GLI3: variants seen among roughly 807,000 people sequenced by gnomAD.
GLI3 encodes GLI family zinc finger 3.
In GLI3, 20 loss-of-function variants were observed where a neutral mutation model predicts 100.8. That is an observed-to-expected ratio of 0.20 (90% CI 0.14 to 0.29). The LOEUF is 0.29. Among genes scored for constraint, GLI3 ranks in the 10% least tolerant of loss-of-function variants. The pLI, the probability that GLI3 is intolerant of heterozygous loss-of-function variation, is 1.00. For missense variants in GLI3, 2,040 were observed against 2,128.5 expected (o/e 0.96, Z 0.82); for synonymous variants, 938 against 860.5 (o/e 1.09, Z -1.58).
chr7:42,249,700 A>G (rs1405931618), intron 1 of GLI3, among the ~76,000 whole-genome samples: 3 of 152,034 alleles, frequency 2.0e-5, no homozygotes, highest in African/African-American at 7.3e-5. Flanking sequence ...CAGATCTTTA[A>G]ATGTTAGTTC....
intron 1 of GLI3, among the ~76,000 whole-genome samples, chr7:42,248,764 CTTT>C (rs1225906442): frequency 6.6e-6 from 1 of 151,958 alleles, no homozygotes; most frequent in Admixed American, 6.6e-5. Context: ...CTCTTATCCT[CTTT>C]TATTTTTTTA....
At chr7:41,990,055 G>A (rs1471182553) in intron 10 of GLI3, among the ~76,000 whole-genome samples, 4 of 147,802 alleles carry the variant, frequency 2.7e-5, no homozygotes, top group Non-Finnish European at 4.5e-5. Context: ...AAGGTAGGAC[G>A]AATAGGTATA....
chr7:42,034,562 C>T (rs1357938904), intron 7 of GLI3, among the ~76,000 whole-genome samples: 1 of 152,084 alleles, frequency 6.6e-6, no homozygotes, highest in African/African-American at 2.4e-5. Context: ...GCTAACCTGC[C>T]CCGTGTTTAA....
At chr7:42,262,523 G>T (rs1406769633) in intron 1 of GLI3, among the ~76,000 whole-genome samples, 5 of 152,090 alleles carry the variant, frequency 3.3e-5, no homozygotes, top group African/African-American at 1.2e-4. Flanking sequence ...GCCTCCCAAA[G>T]TACTGGGATT....
intron 4 of GLI3, among the ~76,000 whole-genome samples, chr7:42,067,389 G>A (rs1025567533): frequency 2.0e-5 from 3 of 152,176 alleles, no homozygotes. Flanking sequence ...AAAATGTAAA[G>A]CATATTCAAG....
intron 10 of GLI3, among the ~76,000 whole-genome samples, chr7:42,007,023 G>A (rs187203832): frequency 6.6e-6 from 1 of 151,982 alleles, no homozygotes; most frequent in African/African-American, 2.4e-5. Context: ...GGCTCTCCCA[G>A]GTGTTTTTAG....
intron 10 of GLI3, among the ~76,000 whole-genome samples, chr7:42,001,119 T>A (rs1021357354): frequency 2.7e-5 from 4 of 150,796 alleles, no homozygotes; most frequent in Admixed American, 1.3e-4. Flanking sequence ...GTGGTGAGCG[T>A]CTGTAATCCC....
At chr7:42,057,234 TTAAC>T (rs1440467656) in intron 4 of GLI3, among the ~76,000 whole-genome samples, 1 of 152,224 alleles carries the variant, frequency 6.6e-6, no homozygotes, top group Admixed American at 6.5e-5. Flanking sequence ...CTATTATCTT[TTAAC>T]TAACTCTCCA....
At chr7:42,009,480 C>CTTTTTTTTT (rs3030324) in intron 10 of GLI3, among the ~76,000 whole-genome samples, 3 of 118,382 alleles carry the variant, frequency 2.5e-5, no homozygotes, top group Non-Finnish European at 3.5e-5. Flanking sequence ...GCAAATTGTT[C>CTTTTTTTTT]TTTTTTTTTT....
At chr7:42,263,128 C>T (rs542876529) in intron 1 of GLI3, among the ~76,000 whole-genome samples, 4 of 152,318 alleles carry the variant, frequency 2.6e-5, no homozygotes, top group African/African-American at 9.6e-5. Flanking sequence ...TTCCTGGCAA[C>T]TTGAGAACAG....
intron 2 of GLI3, among the ~76,000 whole-genome samples, chr7:42,202,346 T>TCTCACACACA (rs1184635369): frequency 8.7e-5 from 10 of 115,246 alleles, no homozygotes; most frequent in African/African-American, 2.3e-4. Flanking sequence ...TCTCTCTCTC[T>TCTCACACACA]CACACACACA....
At chr7:41,978,250 CG>C (rs1366634094) in intron 11 of GLI3, among the ~76,000 whole-genome samples, 1 of 152,156 alleles carries the variant, frequency 6.6e-6, no homozygotes, top group East Asian at 1.9e-4. Context: ...TTTAAAACCT[CG>C]TATAGGGATT....
chr7:42,078,296 T>C (rs1024560392), intron 3 of GLI3, among the ~76,000 whole-genome samples: 2 of 152,234 alleles, frequency 1.3e-5, no homozygotes, highest in African/African-American at 4.8e-5. Flanking sequence ...ACTAGTAGAA[T>C]ATAAGCACAA....
intron 10 of GLI3, among the ~76,000 whole-genome samples, chr7:42,021,532 C>T (rs1055582437): frequency 1.3e-5 from 2 of 152,190 alleles, no homozygotes; most frequent in Non-Finnish European, 2.9e-5. Context: ...TAAAAGCTTT[C>T]ACATTACTGT....
intron 10 of GLI3, among the ~76,000 whole-genome samples, chr7:42,015,136 C>T (rs868586563): frequency 3.9e-5 from 6 of 152,140 alleles, no homozygotes; most frequent in Non-Finnish European, 7.4e-5. Flanking sequence ...TTATTATCTC[C>T]ACTTTACAGA....
chr7:41,981,006 A>C (rs1480720946), intron 10 of GLI3, among the ~76,000 whole-genome samples: 1 of 152,242 alleles, frequency 6.6e-6, no homozygotes, highest in Non-Finnish European at 1.5e-5. Context: ...AGCATCAGGA[A>C]TCAGGGTCCG....
At chr7:42,168,817 C>T (rs1787299953) in intron 2 of GLI3, among the ~76,000 whole-genome samples, 1 of 152,040 alleles carries the variant, frequency 6.6e-6, no homozygotes, top group Non-Finnish European at 1.5e-5. Flanking sequence ...ACTCGGGAGG[C>T]TAAGGCAGGA....
At chr7:42,252,196 A>ACGTCTTTTG (rs1276283833) in intron 1 of GLI3, among the ~76,000 whole-genome samples, 7 of 151,938 alleles carry the variant, frequency 4.6e-5, no homozygotes, top group Non-Finnish European at 7.4e-5. Context: ...TTGTGAGAAC[A>ACGTCTTTTG]TGGATGGAGC....
At chr7:42,038,471 T>C (rs1264955522) in intron 7 of GLI3, among the ~76,000 whole-genome samples, 1 of 152,180 alleles carries the variant, frequency 6.6e-6, no homozygotes, top group East Asian at 1.9e-4. Context: ...TTCAAAGAGC[T>C]GAGAGGTAAG....
Sources: gnomAD v4.1 joint callset for allele counts (sites outside exome capture counted in the v4.1 genomes callset) on GRCh38, gnomAD v4.1.1 for gene constraint, MANE v1.5 for transcripts, NCBI Gene and HGNC (gene_info 2026-07-23, HGNC 2026-07-21) for gene names.